Variants in MESD observed in about 807,000 individuals in gnomAD.
MESD encodes LRP chaperone MESD.
Under a neutral mutation model 12.9 loss-of-function variants are expected in MESD, and 7 were observed. The observed-to-expected ratio is 0.54, with a 90% CI of 0.31 to 1.02. The LOEUF (loss-of-function observed/expected upper bound fraction) is 1.02, where lower values mean the gene tolerates loss of function less well. Ranked by LOEUF, MESD falls within the 50% of genes least tolerant of loss-of-function variation. MESD has a pLI of 0.05. For synonymous variants in MESD, 126 were observed against 115.6 expected, an observed-to-expected ratio of 1.09 and a Z score of -0.58; for missense variants, 342 against 296.7, an observed-to-expected ratio of 1.15 and a Z score of -1.12.
rs1408250589 is a variant in MESD, at chr15:80,982,163, T to C, written c.233A>G (p.Glu78Gly). The C allele has an allele frequency of 6.2e-7, 1 of 1,614,032 alleles. No homozygotes were observed. The highest frequency in any genetic ancestry group is 1.3e-5 in the African/African-American group (1 of 75,022). ...EQWEKDDDIE[E>G]GDLPEHKRPS... ...TCTCTTGTGCTCTGGAAGATCTCCT[T>C]CTTCAATGTCATCATCTTTCTATCA... Residue 78 changes from glutamate to glycine, a missense_variant, in exon 2 of 3, where the codon GAA becomes GGA. By Grantham distance (98) the Glu-to-Gly change is moderately conservative. Transcript: ENST00000261758.
At chr15:80,955,965 G>A (rs1596223878) in intron 3 of MESD, among the ~76,000 whole-genome samples, 1 of 152,132 alleles carries the variant, frequency 6.6e-6, no homozygotes, top group East Asian at 1.9e-4. Context: ...AGGCACAGTG[G>A]CTCACACTGT....
chr15:80,955,962 G>A (rs112966609), intron 3 of MESD, among the ~76,000 whole-genome samples: 3,841 of 152,168 alleles, frequency 0.025, 157 homozygotes, highest in African/African-American at 0.087. Flanking sequence ...ACCAGGCACA[G>A]TGGCTCACAC....
chr15:80,948,508 C>T (rs1247929001), exon 5 of MESD: 2 of 464,082 alleles, frequency 4.3e-6, no homozygotes, highest in Non-Finnish European at 4.0e-6. Flanking sequence ...GGTCTCCTCC[C>T]TTACAGTTTG....
At chr15:80,956,902 C>T (rs141780267) in intron 3 of MESD, among the ~76,000 whole-genome samples, 228 of 152,186 alleles carry the variant, frequency 1.5e-3, no homozygotes, top group Non-Finnish European at 2.5e-3. Context: ...ACTGTGGCCT[C>T]GACCTCCCAG....
At chr15:80,985,108 T>C (rs1902693802) in intron 1 of MESD, among the ~76,000 whole-genome samples, 1 of 152,232 alleles carries the variant, frequency 6.6e-6, no homozygotes, top group African/African-American at 2.4e-5. Context: ...TTTTCCACTC[T>C]GCCACCCTCT....
At position 80,982,173 on chromosome 15, in the gene MESD, C is replaced by T; in HGVS notation, c.223G>A (p.Asp75Asn). ...RLLEQWEKDD[D>N]IEEGDLPEHK... is the part of the protein sequence containing the mutation. ...TCTGGAAGATCTCCTTCTTCAATGT[C>T]ATCATCTTTCTATCAGATTAGGGGA... The change falls in exon 2 of 3, where the codon GAC becomes AAC. Residue 75 changes from aspartate to asparagine, a missense_variant. Coordinates refer to ENST00000261758, the MANE Select transcript of MESD (RefSeq NM_015154.3). The T allele has an allele frequency of 1.2e-6, 2 of 1,613,572 alleles. No individual in the cohort carries two copies. The highest frequency in any genetic ancestry group is 1.1e-5 in the South Asian group (1 of 91,056).
chr15:80,954,614 G>A lies in MESD; in HGVS notation c.*289-2318C>T, dbSNP rs553366054. Among the ~76,000 whole-genome samples the A allele has an allele frequency of 5.9e-5, 9 of 152,226 alleles. No individual in the cohort carries two copies. The East Asian group carries it at 1.7e-3, about 30-fold the overall frequency. ...GCAGACAGAGGTAATGGTGAGGGTT[G>A]GGGGAGGGGATGGAGGAAGGGAAGA... On this transcript the variant is annotated intron_variant, in intron 3 of 4. Coordinates refer to the MESD transcript ENST00000561312.
chr15:80,954,539 A>T (rs1460248149), intron 3 of MESD, among the ~76,000 whole-genome samples: 1 of 152,166 alleles, frequency 6.6e-6, no homozygotes, highest in African/African-American at 2.4e-5. Context: ...GTCCACAGGC[A>T]CCTGGCAGTG....
downstream of MESD, among the ~76,000 whole-genome samples, chr15:80,973,900 G>C (rs919146427): frequency 1.3e-5 from 2 of 152,114 alleles, no homozygotes; most frequent in Non-Finnish European, 2.9e-5. Flanking sequence ...GCCACATATT[G>C]CATGACCTTT....
chr15:80,987,594 T>C (rs1333113471), intron 1 of MESD, among the ~76,000 whole-genome samples: 1 of 151,992 alleles, frequency 6.6e-6, no homozygotes, highest in African/African-American at 2.4e-5. Flanking sequence ...GTTCAAGCGA[T>C]TCTTGTGCCT....
downstream of MESD, among the ~76,000 whole-genome samples, chr15:80,975,140 C>T (rs1015296914): frequency 3.2e-4 from 48 of 148,804 alleles, no homozygotes; most frequent in African/African-American, 1.1e-3. Flanking sequence ...ACCAGTGAAT[C>T]GGAGGCCGAG....
downstream of MESD, among the ~76,000 whole-genome samples, chr15:80,972,276 G>A (rs966631092): frequency 1.3e-5 from 2 of 152,162 alleles, no homozygotes; most frequent in African/African-American, 2.4e-5. Flanking sequence ...TCAGGAGGTC[G>A]AACACTTAGG....
intron 3 of MESD, among the ~76,000 whole-genome samples, chr15:80,958,562 A>G (rs1315174758): frequency 6.6e-6 from 1 of 152,104 alleles, no homozygotes; most frequent in African/African-American, 2.4e-5. Flanking sequence ...CGAACTCCCG[A>G]GCTCAGGTGA....
downstream of MESD, among the ~76,000 whole-genome samples, chr15:80,972,704 C>A (rs776918918): frequency 6.6e-6 from 1 of 152,160 alleles, no homozygotes; most frequent in Non-Finnish European, 1.5e-5. Context: ...AAACGCTGAA[C>A]GCAGAGACCA....
At position 80,979,427 on chromosome 15, in the gene MESD, T is replaced by C; in HGVS notation, c.497A>G (p.Tyr166Cys). Reference protein sequence around the residue: ...RAIFMLRDGSYAWEIKDFLVG... With the variant: ...RAIFMLRDGSCAWEIKDFLVG... Reference sequence around the variant, plus strand: ...CAAAAAGTCCTTGATCTCCCAGGCGTAGCTCCCATCGCGAAGCATGAAGAT... The same window carrying C: ...CAAAAAGTCCTTGATCTCCCAGGCGCAGCTCCCATCGCGAAGCATGAAGAT... The change falls in exon 3 of 3, where the codon TAC becomes TGC. Residue 166 changes from tyrosine (Y) to cysteine (C), a missense_variant. By Grantham distance (194) the Tyr-to-Cys change is radical. Coordinates refer to ENST00000261758, the MANE Select transcript of MESD (RefSeq NM_015154.3). 6.2e-7 allele frequency: 1 copy of C among 1,614,188 alleles called. No individual in the cohort carries two copies. Among genetic ancestry groups the C allele is most frequent in the Non-Finnish European group, 8.5e-7 (1 of 1,180,040 alleles).
chr15:80,961,867 T>C (rs1034647445), intron 3 of MESD, among the ~76,000 whole-genome samples: 6 of 152,198 alleles, frequency 3.9e-5, no homozygotes, highest in African/African-American at 1.4e-4. Flanking sequence ...GAACAACCTG[T>C]ACCAGCCACT....
At chr15:80,962,984 C>T (rs1245784158) in intron 3 of MESD, among the ~76,000 whole-genome samples, 3 of 152,064 alleles carry the variant, frequency 2.0e-5, no homozygotes, top group Admixed American at 6.5e-5. Context: ...TAACTAAGAT[C>T]AGAGCAGAAC....
At chr15:80,961,940 C>T (rs749952885) in intron 3 of MESD, among the ~76,000 whole-genome samples, 5 of 152,084 alleles carry the variant, frequency 3.3e-5, no homozygotes, top group Non-Finnish European at 7.4e-5. Context: ...AATTAACGGG[C>T]GAAATAACCA....
chr15:80,979,572 T>A, intron 2 of MESD, 95 bp from the exon 3 acceptor site: 1 of 1,410,610 alleles, frequency 7.1e-7, no homozygotes. Flanking sequence ...TTATTTCAAA[T>A]TCTACATGAA....
Sources: gnomAD v4.1 joint callset for allele counts (sites outside exome capture counted in the v4.1 genomes callset) on GRCh38, gnomAD v4.1.1 for gene constraint, MANE v1.5 for transcripts, NCBI Gene and HGNC (gene_info 2026-07-23, HGNC 2026-07-21) for gene names.